FBXL7: variants seen among roughly 807,000 people sequenced by gnomAD.
FBXL7 encodes the protein F-box/LRR-repeat protein 7.
Under a neutral mutation model 38.3 loss-of-function variants are expected in FBXL7, and 12 were observed. That is an observed-to-expected ratio of 0.31 (90% CI 0.20 to 0.51). The LOEUF (loss-of-function observed/expected upper bound fraction) is 0.51, where lower values mean the gene tolerates loss of function less well. Among genes scored for constraint, FBXL7 ranks in the 20% least tolerant of loss-of-function variants. The pLI is 0.98. For missense variants in FBXL7, 567 were observed against 676.4 expected (o/e 0.84, Z 1.79); for synonymous variants, 297 against 300.9 (o/e 0.99, Z 0.13).
chr5:15,853,896 A>G (rs1389532149), intron 2 of FBXL7, among the ~76,000 whole-genome samples: 1 of 152,216 alleles, frequency 6.6e-6, no homozygotes, highest in Non-Finnish European at 1.5e-5. Flanking sequence ...TTCCACATTT[A>G]TAATAATTGG....
At chr5:15,680,970 A>G (rs1742827155) in intron 2 of FBXL7, among the ~76,000 whole-genome samples, 1 of 152,196 alleles carries the variant, frequency 6.6e-6, no homozygotes, top group Non-Finnish European at 1.5e-5. Context: ...AAATTACAAA[A>G]TGATGACTAT....
At chr5:15,905,389 A>G (rs1159069078) in intron 2 of FBXL7, among the ~76,000 whole-genome samples, 2 of 152,202 alleles carry the variant, frequency 1.3e-5, no homozygotes, top group African/African-American at 4.8e-5. Context: ...CCAGCCTGCA[A>G]ATAATCTGGC....
intron 2 of FBXL7, among the ~76,000 whole-genome samples, chr5:15,829,980 GA>G (rs756100177): frequency 6.6e-6 from 1 of 152,094 alleles, no homozygotes; most frequent in Non-Finnish European, 1.5e-5. Context: ...GACGTACCCA[GA>G]GAATTACATG....
chr5:15,748,723 G>C (rs1736078719), intron 2 of FBXL7, among the ~76,000 whole-genome samples: 1 of 152,226 alleles, frequency 6.6e-6, no homozygotes, highest in East Asian at 1.9e-4. Context: ...TGTTTCTTTT[G>C]ATAGGGTCTC....
chr5:15,705,256 C>T (rs1224027597), intron 2 of FBXL7, among the ~76,000 whole-genome samples: 2 of 152,192 alleles, frequency 1.3e-5, no homozygotes, highest in Non-Finnish European at 2.9e-5. Flanking sequence ...TTTTCAAGGG[C>T]AGGGATTTAT....
At chr5:15,699,672 G>A (rs1304578769) in intron 2 of FBXL7, among the ~76,000 whole-genome samples, 1 of 152,188 alleles carries the variant, frequency 6.6e-6, no homozygotes, top group Non-Finnish European at 1.5e-5. Context: ...GTCAGAAACT[G>A]ATCCATCCAG....
chr5:15,598,462 C>T (rs888563777), intron 1 of FBXL7, among the ~76,000 whole-genome samples: 5 of 152,094 alleles, frequency 3.3e-5, no homozygotes, highest in African/African-American at 9.7e-5. Flanking sequence ...CATAAAATTG[C>T]TGCAGTTCCA....
In FBXL7 at chr5:15,616,060, G is replaced by T. The variant is rs1194050282; in HGVS notation, c.115G>T (p.Ala39Ser). ...HTPTKAQKNV[A>S]TSEDSDLSMR... ...GCCCACTAAAGCCCAGAAGAATGTG[G>T]CTACCAGCGAAGGTAGGCAGCTGGT... Residue 39 changes from alanine (A) to serine (S), a missense_variant, in exon 2 of 4, where the codon GCT becomes TCT. Coordinates refer to ENST00000504595, the MANE Select transcript of FBXL7 (RefSeq NM_012304.5). The T allele has an allele frequency of 2.5e-6, 4 of 1,611,580 alleles. No individual in the cohort carries two copies. The highest frequency in any genetic ancestry group is 3.4e-6 in the Non-Finnish European group (4 of 1,177,998).
intron 2 of FBXL7, 22 bp from the exon 3 acceptor site, chr5:15,927,868 T>C (rs1246295498): frequency 6.6e-7 from 1 of 1,510,906 alleles, no homozygotes. Context: ...ATGATTAACC[T>C]TTGTTCTCTG....
chr5:15,803,134 A>G (rs1400982924), intron 2 of FBXL7, among the ~76,000 whole-genome samples: 2 of 152,204 alleles, frequency 1.3e-5, no homozygotes, highest in Non-Finnish European at 2.9e-5. Context: ...CTGAATATCT[A>G]TGGACCACCT....
At chr5:15,553,101 A>G (rs1055908552) in intron 1 of FBXL7, among the ~76,000 whole-genome samples, 2 of 150,144 alleles carry the variant, frequency 1.3e-5, no homozygotes, top group African/African-American at 4.9e-5. Context: ...AACAAAAAAA[A>G]ACCCAACCAA....
intron 2 of FBXL7, among the ~76,000 whole-genome samples, chr5:15,635,136 G>T (rs1343246863): frequency 2.6e-5 from 4 of 152,132 alleles, no homozygotes; most frequent in African/African-American, 7.2e-5. Flanking sequence ...AGAAATTTGG[G>T]CTGGGCTTGA....
chr5:15,860,548 G>A (rs150863537), intron 2 of FBXL7, among the ~76,000 whole-genome samples: 11 of 152,196 alleles, frequency 7.2e-5, no homozygotes, highest in East Asian at 1.9e-4. Flanking sequence ...TTTTAGTTTC[G>A]GATAAGCTTA....
chr5:15,544,893 A>G (rs926232475), intron 1 of FBXL7, among the ~76,000 whole-genome samples: 3 of 152,164 alleles, frequency 2.0e-5, no homozygotes, highest in Non-Finnish European at 4.4e-5. Context: ...TGAGTTTTGG[A>G]TAAGCAGATT....
At position 15,936,908 on chromosome 5, in the gene FBXL7, A is replaced by G; in HGVS notation, c.1198A>G (p.Asn400Asp). 1 of 1,614,050 alleles carries G rather than the reference A, an allele frequency of 6.2e-7. No homozygotes were observed. Among genetic ancestry groups the G allele is most frequent in the South Asian group, 1.1e-5 (1 of 91,088 alleles). The change falls in exon 4 of 4, where the codon AAC becomes GAC. Residue 400 changes from asparagine (N) to aspartate (D), a missense_variant. Physicochemically the swap from Asn to Asp is conservative, Grantham distance 23 (BLOSUM62 1). Transcript: ENST00000504595. The surrounding 1 kb of genome is among the most constrained non-coding windows in gnomAD (Gnocchi z 6.0). ...TDHGVEYLAK[N>D]CTKLKSLDIG... The stretch of plus-strand genomic sequence containing the variant: ...CCACGGTGTGGAGTACCTCGCCAAG[A>G]ACTGCACCAAACTCAAATCCCTGGA...
chr5:15,722,816 G>C (rs1579408062), intron 2 of FBXL7, among the ~76,000 whole-genome samples: 1 of 151,868 alleles, frequency 6.6e-6, no homozygotes, highest in Non-Finnish European at 1.5e-5. Context: ...CCAGCTACTC[G>C]GAAGGCTGAG....
chr5:15,585,819 A>G (rs1243896795), intron 1 of FBXL7, among the ~76,000 whole-genome samples: 1 of 152,238 alleles, frequency 6.6e-6, no homozygotes, highest in African/African-American at 2.4e-5. Flanking sequence ...ATGAGCATGT[A>G]TCTTATTAAA....
chr5:15,873,270 G>A (rs1253609087), intron 2 of FBXL7, among the ~76,000 whole-genome samples: 1 of 152,184 alleles, frequency 6.6e-6, no homozygotes, highest in African/African-American at 2.4e-5. Flanking sequence ...GCAGTGTTTA[G>A]AGGGAAATTT....
intron 2 of FBXL7, among the ~76,000 whole-genome samples, chr5:15,917,006 C>T (rs1741601339): frequency 1.3e-5 from 2 of 152,170 alleles, no homozygotes; most frequent in South Asian, 2.1e-4. Context: ...CCTAAATACT[C>T]TGTGAAGTGG....
Sources: allele counts gnomAD v4.1 joint callset (sites outside exome capture counted in the v4.1 genomes callset), GRCh38; gene constraint gnomAD v4.1.1; non-coding constraint Gnocchi (gnomAD v3.1); transcripts MANE v1.5; gene names NCBI Gene and HGNC (gene_info 2026-07-23, HGNC 2026-07-21).